ZNF562: variants seen among roughly 807,000 people sequenced by gnomAD.
ZNF562 encodes zinc finger protein 562.
A neutral mutation model predicts 17.5 loss-of-function variants in ZNF562; 13 were observed. That is an observed-to-expected ratio of 0.74 (90% CI 0.48 to 1.18). ZNF562 has a LOEUF of 1.18. ZNF562 is among the 50% of genes most tolerant of loss of function. The probability of loss-of-function intolerance (pLI) is 0.00; values close to 1 mark genes in which losing one functional copy is unlikely to be tolerated. For missense variants in ZNF562, 481 were observed against 498.5 expected (o/e 0.96, Z 0.33); for synonymous variants, 163 against 165.4 (o/e 0.99, Z 0.11).
In ZNF562 at chr19:9,644,776, C is replaced by A. The variant is rs939132902; in HGVS notation, c.*8173G>T. On this transcript the variant is annotated 3_prime_UTR_variant, in exon 6 of 6. Coordinates refer to ENST00000453372, the MANE Select transcript of ZNF562 (RefSeq NM_001130031.2). ...TTGAACAGCATGGGGAAACCCCCCC[C>A]CATGATTCTATTACCTCCCACCTGG... 2.6e-5 allele frequency: 4 copies of A among 152,170 alleles called. No homozygotes were observed. In the South Asian group the frequency reaches 6.2e-4, roughly 24 times the overall value. 9.4% of individuals were successfully genotyped at this position (152,170 alleles called of 1,614,324 possible). A position where few individuals can be genotyped will look rare whatever the true frequency, so the allele number is the denominator to read the frequency against.
rs376511671 is a variant in ZNF562 at position 9,653,072 on chromosome 19, C to G, written c.1158G>C (p.Thr386=). 4 of 1,607,206 alleles carry G rather than the reference C, an allele frequency of 2.5e-6. No individual in the cohort carries two copies. The African/African-American group carries it at 4.0e-5, about 16-fold the overall frequency. ...TGTGAATTCTTCTATGTTGAGTAAG[C>G]GTTGAAGATCTATTGAAGGCTTTCC... ...ECGKAFNRSS[T]LTQHRRIHTG... Residue 386 remains threonine, a synonymous_variant, in exon 6 of 6, where the codon ACG becomes ACC. Transcript: ENST00000453372.
Position 9,674,082 on chromosome 19 carries a change from G to A in ZNF562, c.-131+933C>T, listed in dbSNP as rs569204694. Among the ~76,000 whole-genome samples, 377 of 152,358 alleles carry A rather than the reference G, an allele frequency of 2.5e-3. 2 individuals carry two copies. Among genetic ancestry groups the A allele is most frequent in the Non-Finnish European group, 3.9e-3 (267 of 68,040 alleles). ...AGGGGAAGGGGTTCTTATTCTTGAGGAAAGTGGCCCCTGCCGCTTTGTCCT... is the reference window on the plus strand; with the variant it reads ...AGGGGAAGGGGTTCTTATTCTTGAGAAAAGTGGCCCCTGCCGCTTTGTCCT... On this transcript the variant is annotated intron_variant, in intron 1 of 5. Coordinates refer to ENST00000453372, the MANE Select transcript of ZNF562 (RefSeq NM_001130031.2).
intron 1 of ZNF562, among the ~76,000 whole-genome samples, chr19:9,668,917 ATGC>A (rs1479060036): frequency 6.6e-6 from 1 of 152,132 alleles, no homozygotes; most frequent in Non-Finnish European, 1.5e-5. Context: ...GGATAACCAT[ATGC>A]AGAATAAAAC....
intron 3 of ZNF562, among the ~76,000 whole-genome samples, chr19:9,658,715 AT>A (rs981811951): frequency 3.4e-4 from 52 of 151,956 alleles, no homozygotes; most frequent in East Asian, 1.2e-3. Context: ...TAATTTTTTA[AT>A]TTTTTTTAAT....
At position 9,648,085 on chromosome 19, in the gene ZNF562, A is replaced by T. The variant is rs2074821419; in HGVS notation, c.*4864T>A. The T allele has an allele frequency of 6.6e-6, 1 of 152,106 alleles. No individual in the cohort carries two copies. Among genetic ancestry groups the T allele is most frequent in the African/African-American group, 2.4e-5 (1 of 41,420 alleles). 9.4% of individuals were successfully genotyped at this position (152,106 alleles called of 1,614,324 possible). A position where few individuals can be genotyped will look rare whatever the true frequency, so the allele number is the denominator to read the frequency against. ...GATTAAGAATTTAGAAATAGTAGGA[A>T]CATGCCCCACTACAGTATATGACAG... On this transcript the variant is annotated 3_prime_UTR_variant, in exon 6 of 6. Transcript: ENST00000453372.
chr19:9,648,840 TGA>T lies in ZNF562; in HGVS notation c.*4107_*4108del, dbSNP rs2074830426. ...ATGAGCTAGGTGCAGTTCTAGGTAT[TGA>T]GTTTTATCAGTAAATAAACATGATC... is the stretch of plus-strand genomic sequence containing the variant. On this transcript the variant is annotated 3_prime_UTR_variant, in exon 6 of 6. Coordinates refer to ENST00000453372, the MANE Select transcript of ZNF562 (RefSeq NM_001130031.2). The T allele has an allele frequency of 6.6e-6, 1 of 152,102 alleles. No homozygotes were observed. Among genetic ancestry groups the T allele is most frequent in the Non-Finnish European group, 1.5e-5 (1 of 68,028 alleles). 9.4% of individuals were successfully genotyped at this position (152,102 alleles called of 1,614,324 possible).
chr19:9,659,479 G>A lies in ZNF562; in HGVS notation c.26-12C>T. On this transcript the variant is annotated splice_polypyrimidine_tract_variant and intron_variant, in intron 2 of 5. Coordinates refer to ENST00000453372, the MANE Select transcript of ZNF562 (RefSeq NM_001130031.2). ...CCTGGGAAAAAACCCTAGTGGAAAAGTAAGAAGGCATGAGAAGCCAGAGCT... is the reference window on the plus strand; with the variant it reads ...CCTGGGAAAAAACCCTAGTGGAAAAATAAGAAGGCATGAGAAGCCAGAGCT... 6.5e-7 allele frequency: 1 copy of A among 1,550,184 alleles called. No individual in the cohort carries two copies. Among genetic ancestry groups the A allele is most frequent in the Non-Finnish European group, 8.7e-7 (1 of 1,146,632 alleles).
At chr19:9,670,057 G>A (rs1207544760) in intron 1 of ZNF562, among the ~76,000 whole-genome samples, 2 of 151,986 alleles carry the variant, frequency 1.3e-5, no homozygotes, top group Admixed American at 6.6e-5. Context: ...GTGAGACTCT[G>A]TCTCAAAAAA....
At position 9,669,732 on chromosome 19, in the gene ZNF562, G is replaced by GCA. The variant is rs1276865026; in HGVS notation, c.-131+5282_-131+5283insTG. 3.2e-3 allele frequency among the ~76,000 whole-genome samples: 248 copies of GCA among 76,782 alleles called. 1 individual carries two copies. The highest frequency in any genetic ancestry group is 6.3e-3 in the African/African-American group (158 of 24,990). 50.4% of individuals were successfully genotyped at this position (76,782 alleles called of 152,430 possible). ...CACGCGCGCGAGCGCGCGCGCGCGC[G>GCA]CGCACACACACACACACACACACAC... On this transcript the variant is annotated intron_variant, in intron 1 of 5. Transcript: ENST00000453372.
chr19:9,658,415 T>C (rs2144988259), intron 3 of ZNF562: 1 of 893,590 alleles, frequency 1.1e-6, no homozygotes, highest in South Asian at 5.1e-5. Flanking sequence ...AATGGCACGA[T>C]CTCGGCTCAC....
chr19:9,674,325 G>C (rs960208951), intron 1 of ZNF562, among the ~76,000 whole-genome samples: 1 of 152,060 alleles, frequency 6.6e-6, no homozygotes, highest in African/African-American at 2.4e-5. Context: ...GCAGGTGATC[G>C]AAAAAGGTTG....
At position 9,663,805 on chromosome 19, in the gene ZNF562, T is replaced by G. The variant is rs998729073; in HGVS notation, c.-130-2931A>C. ...GATTTTCCTGCCTCAGCCTCTCAAG[T>G]AGCTGGGACTACAGGACTCCAGAGT... is the stretch of plus-strand genomic sequence containing the variant. On this transcript the variant is annotated intron_variant, in intron 1 of 5. Coordinates refer to ENST00000453372, the MANE Select transcript of ZNF562 (RefSeq NM_001130031.2). 7.9e-5 allele frequency among the ~76,000 whole-genome samples: 12 copies of G among 152,192 alleles called. No homozygotes were observed. In the South Asian group the frequency reaches 2.5e-3, roughly 32 times the overall value.
rs189180940 is a variant in ZNF562 at position 9,672,021 on chromosome 19, C to T, written c.-131+2994G>A. Among the ~76,000 whole-genome samples the T allele has an allele frequency of 9.2e-5, 14 of 152,210 alleles. 1 individual carries two copies. In the Middle Eastern group the frequency reaches 0.014, roughly 148 times the overall value. The stretch of plus-strand genomic sequence containing the variant: ...ACCCAATTCCAAGTTTGTAGGAAAT[C>T]GCATGAAATAAAGGAATATTTACAC... On this transcript the variant is annotated intron_variant, in intron 1 of 5. Transcript: ENST00000453372.
chr19:9,660,012 C>G (rs1049841302), intron 2 of ZNF562, among the ~76,000 whole-genome samples: 3 of 114,154 alleles, frequency 2.6e-5, no homozygotes, highest in Admixed American at 2.3e-4. Flanking sequence ...CTGCTTGAAC[C>G]TGGGAAGTGG....
At chr19:9,657,705 C>T (rs545305497) in intron 4 of ZNF562, among the ~76,000 whole-genome samples, 1 of 151,838 alleles carries the variant, frequency 6.6e-6, no homozygotes, top group Admixed American at 6.6e-5. Context: ...TGCCACCATG[C>T]CTGGCTAATT....
At chr19:9,661,719 C>A (rs556995831) in intron 1 of ZNF562, among the ~76,000 whole-genome samples, 6 of 152,066 alleles carry the variant, frequency 3.9e-5, no homozygotes, top group Admixed American at 3.9e-4. Context: ...CGCTTGACCC[C>A]GGGAGGTGGA....
intron 1 of ZNF562, among the ~76,000 whole-genome samples, chr19:9,669,590 G>T (rs1042864646): frequency 6.6e-6 from 1 of 152,090 alleles, no homozygotes; most frequent in Non-Finnish European, 1.5e-5. Context: ...TTGAGGCTGC[G>T]GTGGGAGATC....
rs1463238366 is a variant in ZNF562, at chr19:9,653,370, G to T, written c.860C>A (p.Ser287Tyr). The T allele has an allele frequency of 6.2e-7, 1 of 1,614,084 alleles. No homozygotes were observed. The highest frequency in any genetic ancestry group is 8.5e-7 in the Non-Finnish European group (1 of 1,180,006). The part of the protein sequence containing the change: ...AHAKTHKGEK[S>Y]FECKECGRSF... ...TCTTCCACATTCTTTACATTCAAAG[G>T]ACTTCTCTCCTTTATGAGTTTTTGC... is the stretch of plus-strand genomic sequence containing the variant. The change falls in exon 6 of 6, where the codon TCC (serine) becomes TAC (tyrosine). Residue 287 changes from serine to tyrosine, a missense_variant. This residue lies in a region of ZNF562 where 403 missense variants were observed against 386.4 expected (regional missense o/e 1.04). Transcript: ENST00000453372.
intron 5 of ZNF562, among the ~76,000 whole-genome samples, chr19:9,655,593 T>C (rs2043438519): frequency 6.6e-6 from 1 of 152,002 alleles, no homozygotes; most frequent in Non-Finnish European, 1.5e-5. Context: ...GCTAATTTTG[T>C]ATTTTTAGTA....
Sources: gnomAD v4.1 joint callset for allele counts (sites outside exome capture counted in the v4.1 genomes callset) on GRCh38, gnomAD v4.1.1 for gene constraint, gnomAD v4.1.1 regional missense constraint, MANE v1.5 for transcripts, NCBI Gene and HGNC (gene_info 2026-07-23, HGNC 2026-07-21) for gene names.